ABCC4: variants seen among roughly 807,000 people sequenced by gnomAD.
ABCC4 encodes ATP-binding cassette sub-family C member 4.
In ABCC4, 102 loss-of-function variants were observed where a neutral mutation model predicts 168.5. The observed-to-expected ratio is 0.61, with a 90% CI of 0.52 to 0.71. ABCC4 has a LOEUF of 0.71. Ranked by LOEUF, ABCC4 falls within the 30% of genes least tolerant of loss-of-function variation. The pLI is 0.00. For missense variants in ABCC4, 1,402 were observed against 1,605.8 expected, an observed-to-expected ratio of 0.87 and a Z score of 2.17; for synonymous variants, 617 against 590.7, an observed-to-expected ratio of 1.04 and a Z score of -0.65.
intron 30 of ABCC4, among the ~76,000 whole-genome samples, chr13:95,031,815 A>C (rs913431812): frequency 6.6e-6 from 1 of 152,212 alleles, no homozygotes; most frequent in Non-Finnish European, 1.5e-5. Context: ...AAGGTGAACT[A>C]TATTATCTTA....
At chr13:95,201,564 G>C (rs949337230) in intron 8 of ABCC4, among the ~76,000 whole-genome samples, 1 of 152,164 alleles carries the variant, frequency 6.6e-6, no homozygotes, top group Non-Finnish European at 1.5e-5. Flanking sequence ...TCTGCCTTTT[G>C]TAAGTTTAGA....
intron 1 of ABCC4, among the ~76,000 whole-genome samples, chr13:95,265,429 A>C (rs970599259): frequency 7.8e-6 from 1 of 127,844 alleles, no homozygotes; most frequent in African/African-American, 3.2e-5. Flanking sequence ...TGACACAATA[A>C]GAAAAAAAAA....
At chr13:95,107,475 C>T (rs990123025) in intron 20 of ABCC4, among the ~76,000 whole-genome samples, 1 of 152,102 alleles carries the variant, frequency 6.6e-6, no homozygotes, top group Non-Finnish European at 1.5e-5. Context: ...GTACAATCAC[C>T]AGTTGTTACA....
intron 11 of ABCC4, among the ~76,000 whole-genome samples, chr13:95,184,608 T>C (rs1457574852): frequency 1.3e-5 from 2 of 152,192 alleles, no homozygotes; most frequent in African/African-American, 4.8e-5. Context: ...TTCTAGAGTT[T>C]ACTAGTAGGT....
intron 4 of ABCC4, among the ~76,000 whole-genome samples, chr13:95,226,250 C>T (rs2039463589): frequency 6.6e-6 from 1 of 151,524 alleles, no homozygotes; most frequent in Non-Finnish European, 1.5e-5. Flanking sequence ...ATTCTAAAGT[C>T]AATATGAAAA....
At chr13:95,173,793 G>A (rs574231527) in intron 13 of ABCC4, among the ~76,000 whole-genome samples, 10 of 152,308 alleles carry the variant, frequency 6.6e-5, no homozygotes, top group African/African-American at 2.2e-4. Context: ...GGTATTAGGA[G>A]GTGAGGCCTA....
Position 95,274,252 on chromosome 13 carries a change from T to G in ABCC4, c.75-26499A>C, listed in dbSNP as rs949508134. On this transcript the variant is annotated intron_variant, in intron 1 of 30. Transcript: ENST00000645237. ...GGGCCTTTGTACTGTTTATATTTTT[T>G]ACTTTGTGCATACTATGATGTCTTG... Among the ~76,000 whole-genome samples the G allele has an allele frequency of 2.8e-4, 42 of 152,314 alleles. 1 individual carries two copies. Among genetic ancestry groups the G allele is most frequent in the South Asian group, 6.2e-4 (3 of 4,824 alleles).
At chr13:95,038,955 A>G (rs949346430) in intron 29 of ABCC4, among the ~76,000 whole-genome samples, 1 of 152,190 alleles carries the variant, frequency 6.6e-6, no homozygotes, top group African/African-American at 2.4e-5. Context: ...AGAGAGAAAA[A>G]GCAAAAAGGA....
At chr13:95,295,322 C>T (rs189447558) in intron 1 of ABCC4, among the ~76,000 whole-genome samples, 10,710 of 151,728 alleles carry the variant, frequency 0.071, 439 homozygotes, top group Non-Finnish European at 0.098. Flanking sequence ...TTAAGACCAA[C>T]ATGGGCAACA....
At chr13:95,059,957 T>C (rs1038890482) in intron 26 of ABCC4, among the ~76,000 whole-genome samples, 1 of 152,198 alleles carries the variant, frequency 6.6e-6, no homozygotes, top group African/African-American at 2.4e-5. Flanking sequence ...GCTAAGTGAC[T>C]TCATTGAGGT....
intron 20 of ABCC4, among the ~76,000 whole-genome samples, chr13:95,088,204 T>G (rs1408453605): frequency 1.3e-5 from 2 of 152,170 alleles, no homozygotes; most frequent in African/African-American, 4.8e-5. Flanking sequence ...CTTTGTACAT[T>G]TTTTCCATGT....
intron 20 of ABCC4, among the ~76,000 whole-genome samples, chr13:95,088,371 A>T (rs1017073555): frequency 6.6e-6 from 1 of 152,242 alleles, no homozygotes; most frequent in Admixed American, 6.5e-5. Flanking sequence ...CGACAGAGAA[A>T]ATTTGAAAAC....
chr13:95,127,280 T>C (rs2035813715), intron 19 of ABCC4, among the ~76,000 whole-genome samples: 1 of 152,124 alleles, frequency 6.6e-6, no homozygotes, highest in Admixed American at 6.5e-5. Flanking sequence ...TTCAGGGATA[T>C]AAATTTATTT....
intron 19 of ABCC4, among the ~76,000 whole-genome samples, chr13:95,119,429 CCT>C (rs1227981528): frequency 3.9e-5 from 6 of 152,162 alleles, no homozygotes; most frequent in African/African-American, 1.4e-4. Context: ...CTAAAATTTT[CCT>C]CTGAGAGAGA....
At position 95,301,311 on chromosome 13, in the gene ABCC4, G is replaced by A; in HGVS notation, c.4C>T (p.Leu2=). 1 of 1,591,062 alleles carries A rather than the reference G, an allele frequency of 6.3e-7. No homozygotes were observed. The highest frequency in any genetic ancestry group is 8.5e-7 in the Non-Finnish European group (1 of 1,169,890). Residue 2 remains leucine (L), a synonymous_variant, in exon 1 of 31, where the codon CTG becomes TTG. Coordinates refer to ENST00000645237, the MANE Select transcript of ABCC4 (RefSeq NM_005845.5). M[L]PVYQEVKPNP... ...GGCTTCACCTCCTGGTACACGGGCA[G>A]CATCTTGCCGGGCGGGGCGGGCGCG...
intron 1 of ABCC4, among the ~76,000 whole-genome samples, chr13:95,291,152 G>A (rs142554572): frequency 0.021 from 3,195 of 151,972 alleles, 108 homozygotes; most frequent in African/African-American, 0.074. Context: ...TCAAGAGTTC[G>A]AGACTAGTCT....
At chr13:95,282,592 T>C (rs1426609186) in intron 1 of ABCC4, among the ~76,000 whole-genome samples, 3 of 152,102 alleles carry the variant, frequency 2.0e-5, no homozygotes, top group Non-Finnish European at 2.9e-5. Flanking sequence ...TGGAGTGCAG[T>C]GGCACAATCT....
chr13:95,064,256 G>A (rs61967192), intron 25 of ABCC4, among the ~76,000 whole-genome samples: 2,235 of 13,422 alleles, frequency 0.17, 29 homozygotes, highest in Non-Finnish European at 0.4. Context: ...GTGTGTGTGT[G>A]TGTGTATATA....
At chr13:95,230,831 C>G (rs1178582868) in intron 4 of ABCC4, among the ~76,000 whole-genome samples, 1 of 152,086 alleles carries the variant, frequency 6.6e-6, no homozygotes, top group South Asian at 2.1e-4. Context: ...ATTGTACATT[C>G]GTGTTCATAG....
Sources: gnomAD v4.1 joint callset for allele counts (sites outside exome capture counted in the v4.1 genomes callset) on GRCh38, gnomAD v4.1.1 for gene constraint, MANE v1.5 for transcripts, NCBI Gene and HGNC (gene_info 2026-07-23, HGNC 2026-07-21) for gene names.